GPC6: variants seen among roughly 807,000 people sequenced by gnomAD.
GPC6 encodes glypican-6.
Under a neutral mutation model 55.2 loss-of-function variants are expected in GPC6, and 14 were observed. That is an observed-to-expected ratio of 0.25 (90% confidence interval 0.17 to 0.40). The LOEUF is 0.40. Ranked by LOEUF, GPC6 falls within the 10% of genes least tolerant of loss-of-function variation. The pLI, the probability that GPC6 is intolerant of heterozygous loss-of-function variation, is 1.00. For missense variants in GPC6, 641 were observed against 708.5 expected, an observed-to-expected ratio of 0.90 and a Z score of 1.08; for synonymous variants, 278 against 259.6, an observed-to-expected ratio of 1.07 and a Z score of -0.68.
intron 1 of GPC6, among the ~76,000 whole-genome samples, chr13:93,446,410 A>G (rs1386561630): frequency 6.6e-6 from 1 of 152,168 alleles, no homozygotes; most frequent in African/African-American, 2.4e-5. Flanking sequence ...GAAATACTGC[A>G]ATCACAAATT....
At chr13:93,617,620 T>C (rs989483589) in intron 2 of GPC6, among the ~76,000 whole-genome samples, 4 of 152,210 alleles carry the variant, frequency 2.6e-5, no homozygotes, top group South Asian at 4.1e-4. Context: ...ATTTTATGTA[T>C]AAGAAAATAA....
intron 4 of GPC6, among the ~76,000 whole-genome samples, chr13:94,079,505 C>T (rs1295054002): frequency 6.6e-6 from 1 of 152,122 alleles, no homozygotes; most frequent in Non-Finnish European, 1.5e-5. Context: ...GGGGTCTCTG[C>T]AGATGATGTA....
intron 3 of GPC6, among the ~76,000 whole-genome samples, chr13:93,834,928 A>G (rs993309465): frequency 1.3e-5 from 2 of 152,320 alleles, no homozygotes; most frequent in Admixed American, 6.5e-5. Context: ...CTTTATTAAA[A>G]TACCACCGTC....
chr13:94,095,444 T>C (rs576968154), intron 4 of GPC6, among the ~76,000 whole-genome samples: 13 of 152,352 alleles, frequency 8.5e-5, no homozygotes, highest in Admixed American at 7.8e-4. Context: ...AATAATATGT[T>C]TTATTCAACT....
At chr13:93,976,012 G>A (rs116241577) in intron 3 of GPC6, among the ~76,000 whole-genome samples, 1,596 of 152,146 alleles carry the variant, frequency 0.01, 35 homozygotes, top group African/African-American at 0.037. Flanking sequence ...ACCTTTATGG[G>A]AAGAATAGAA....
chr13:93,793,084 C>G (rs1886096656), intron 2 of GPC6, among the ~76,000 whole-genome samples: 1 of 152,164 alleles, frequency 6.6e-6, no homozygotes, highest in Non-Finnish European at 1.5e-5. Context: ...GCAAGGCATT[C>G]TAGTCTATGA....
chr13:93,958,647 C>T (rs1879622584), intron 3 of GPC6, among the ~76,000 whole-genome samples: 1 of 152,026 alleles, frequency 6.6e-6, no homozygotes, highest in South Asian at 2.1e-4. Flanking sequence ...TGGCTTTGTT[C>T]TTTTTGCTTG....
chr13:93,609,945 A>G (rs1012291414), intron 2 of GPC6, among the ~76,000 whole-genome samples: 6 of 152,286 alleles, frequency 3.9e-5, no homozygotes, highest in Admixed American at 1.3e-4. Context: ...CTGATAGTGT[A>G]GTAGATTCTA....
intron 1 of GPC6, among the ~76,000 whole-genome samples, chr13:93,454,041 G>A (rs2999499): frequency 0.62 from 93,527 of 151,722 alleles, 29,949 homozygotes; most frequent in Middle Eastern, 0.75. Flanking sequence ...AAGGTTCTCC[G>A]TGTCCCCACC....
chr13:94,093,492 T>G (rs1159597944), intron 4 of GPC6, among the ~76,000 whole-genome samples: 1 of 152,134 alleles, frequency 6.6e-6, no homozygotes, highest in Non-Finnish European at 1.5e-5. Flanking sequence ...GCCATGCTGT[T>G]TTGATTACCG....
intron 4 of GPC6, among the ~76,000 whole-genome samples, chr13:94,054,756 G>A (rs1048542101): frequency 3.9e-5 from 6 of 152,148 alleles, no homozygotes; most frequent in East Asian, 3.9e-4. Context: ...TTTACCAAGT[G>A]GGTTAGGAGA....
intron 2 of GPC6, among the ~76,000 whole-genome samples, chr13:93,755,095 T>A (rs1042879285): frequency 2.6e-5 from 4 of 152,240 alleles, no homozygotes; most frequent in Non-Finnish European, 5.9e-5. Context: ...TTTGTCATTG[T>A]GCATTGTGTC....
At chr13:94,296,904 TTTG>T (rs1875362615) in intron 5 of GPC6, among the ~76,000 whole-genome samples, 2 of 152,226 alleles carry the variant, frequency 1.3e-5, no homozygotes, top group South Asian at 2.1e-4. Context: ...AATTATTAAC[TTTG>T]TTATTAATAT....
intron 1 of GPC6, among the ~76,000 whole-genome samples, chr13:93,271,131 T>C (rs1311856649): frequency 6.6e-6 from 1 of 152,150 alleles, no homozygotes; most frequent in Non-Finnish European, 1.5e-5. Flanking sequence ...CTTCCCTAGG[T>C]AGAATTGACT....
chr13:93,447,427 C>T (rs972780197), intron 1 of GPC6, among the ~76,000 whole-genome samples: 1 of 152,082 alleles, frequency 6.6e-6, no homozygotes, highest in Non-Finnish European at 1.5e-5. Flanking sequence ...TACCTTCTTC[C>T]ACAGATTGGT....
At chr13:93,222,234 A>G (rs766004915), upstream of GPC6, among the ~76,000 whole-genome samples, 14 of 152,212 alleles carry the variant, frequency 9.2e-5, no homozygotes, top group Non-Finnish European at 2.1e-4. Flanking sequence ...TTTGTCTCAT[A>G]ACCAAGGACT....
chr13:94,357,355 GAGAC>G (rs1016045848), intron 6 of GPC6, among the ~76,000 whole-genome samples: 1 of 152,176 alleles, frequency 6.6e-6, no homozygotes, highest in African/African-American at 2.4e-5. Context: ...TCAGCTCAGA[GAGAC>G]AGAGAGACCC....
At chr13:93,474,993 A>G (rs1879251626) in intron 1 of GPC6, among the ~76,000 whole-genome samples, 1 of 152,168 alleles carries the variant, frequency 6.6e-6, no homozygotes. Flanking sequence ...AAAAAATAAA[A>G]TAATTAGGCA....
chr13:93,672,694 T>TAA (rs1474192517), intron 2 of GPC6, among the ~76,000 whole-genome samples: 3 of 151,370 alleles, frequency 2.0e-5, no homozygotes, highest in Admixed American at 1.3e-4. Flanking sequence ...TATATATATA[T>TAA]AATCTCAGTG....
Sources: gnomAD v4.1 joint callset for allele counts (sites outside exome capture counted in the v4.1 genomes callset) on GRCh38, gnomAD v4.1.1 for gene constraint, MANE v1.5 for transcripts, NCBI Gene and HGNC (gene_info 2026-07-23, HGNC 2026-07-21) for gene names.